HPSE2: variants seen among roughly 807,000 people sequenced by gnomAD.
HPSE2 encodes heparanase 2 (inactive).
In HPSE2, 38 loss-of-function variants were observed where a neutral mutation model predicts 60.5. The ratio of observed to expected loss-of-function variants is 0.63; its 90% confidence interval spans 0.48 to 0.82. The LOEUF is 0.82. HPSE2 is among the 40% of genes least tolerant of loss of function. The probability of loss-of-function intolerance (pLI) is 0.00; values close to 1 mark genes in which losing one functional copy is unlikely to be tolerated. For synonymous variants in HPSE2, 295 were observed against 293.2 expected, an observed-to-expected ratio of 1.01 and a Z score of -0.06; for missense variants, 713 against 740.4, an observed-to-expected ratio of 0.96 and a Z score of 0.43.
At chr10:98,820,700 A>G (rs1273894171) in intron 3 of HPSE2, among the ~76,000 whole-genome samples, 2 of 152,180 alleles carry the variant, frequency 1.3e-5, no homozygotes, top group Non-Finnish European at 2.9e-5. Context: ...ACCCCAAAAC[A>G]TTGAGTTCAA....
chr10:99,036,023 C>A (rs149719953), intron 3 of HPSE2, among the ~76,000 whole-genome samples: 1 of 151,980 alleles, frequency 6.6e-6, no homozygotes, highest in Non-Finnish European at 1.5e-5. Flanking sequence ...CCAGACAGGG[C>A]AACAAAGCAA....
intron 3 of HPSE2, among the ~76,000 whole-genome samples, chr10:99,086,414 G>A (rs563051599): frequency 7.0e-6 from 1 of 142,970 alleles, no homozygotes; most frequent in South Asian, 2.3e-4. Flanking sequence ...GTGCAGTGGC[G>A]GGATCTCGGC....
intron 9 of HPSE2, among the ~76,000 whole-genome samples, chr10:98,565,338 C>T (rs371911343): frequency 8.6e-5 from 13 of 150,394 alleles, no homozygotes; most frequent in Non-Finnish European, 1.5e-4. Context: ...CCCCCACCCC[C>T]TGACAGGGCC....
chr10:98,968,637 T>C (rs1426886535), intron 3 of HPSE2, among the ~76,000 whole-genome samples: 3 of 152,226 alleles, frequency 2.0e-5, no homozygotes, highest in South Asian at 2.1e-4. Flanking sequence ...AAATGTGGTA[T>C]ATATACACCA....
At chr10:98,755,592 G>A (rs376502700) in intron 3 of HPSE2, among the ~76,000 whole-genome samples, 5 of 152,136 alleles carry the variant, frequency 3.3e-5, no homozygotes, top group East Asian at 3.9e-4. Flanking sequence ...CATGGCACAT[G>A]TTCTATAATA....
intron 3 of HPSE2, among the ~76,000 whole-genome samples, chr10:98,986,342 T>G (rs1956349333): frequency 6.6e-6 from 1 of 151,642 alleles, no homozygotes; most frequent in Admixed American, 6.6e-5. Flanking sequence ...AGAAACTCAC[T>G]CAAAACCACT....
At chr10:98,513,071 T>C (rs1412250112) in intron 9 of HPSE2, among the ~76,000 whole-genome samples, 1 of 152,204 alleles carries the variant, frequency 6.6e-6, no homozygotes, top group Non-Finnish European at 1.5e-5. Flanking sequence ...ATGATTTTCA[T>C]AATGATGGGA....
At position 98,490,286 on chromosome 10, in the gene HPSE2, C is replaced by T; in HGVS notation, c.1321-90G>A. The T allele has an allele frequency of 4.2e-6, 5 of 1,197,756 alleles. No homozygotes were observed. The Middle Eastern group carries it at 7.5e-4, about 179-fold the overall frequency. 74.2% of individuals were successfully genotyped at this position (1,197,756 alleles called of 1,614,324 possible). A position where few individuals can be genotyped will look rare whatever the true frequency, so the allele number is the denominator to read the frequency against. ...TGACACACACACACACACACACACACACACACGGGCCAGAAATCACTTCCT... is the reference window on the plus strand; with the variant it reads ...TGACACACACACACACACACACACATACACACGGGCCAGAAATCACTTCCT... On this transcript the variant is annotated intron_variant, in intron 9 of 11. Coordinates refer to ENST00000370552, the MANE Select transcript of HPSE2 (RefSeq NM_021828.5).
chr10:98,542,163 G>A (rs572577996), intron 9 of HPSE2, among the ~76,000 whole-genome samples: 3 of 152,084 alleles, frequency 2.0e-5, no homozygotes, highest in African/African-American at 7.2e-5. Context: ...CAGCATTCGC[G>A]GTTCACGAAA....
the HPSE2 span, among the ~76,000 whole-genome samples, chr10:99,268,945 CA>C: frequency 6.6e-6 from 1 of 151,932 alleles, no homozygotes; most frequent in Non-Finnish European, 1.5e-5. Context: ...CACCTGAGGT[CA>C]GGAGTTCGAG....
At chr10:99,299,090 C>T in the HPSE2 span, among the ~76,000 whole-genome samples, 5 of 152,060 alleles carry the variant, frequency 3.3e-5, no homozygotes, top group African/African-American at 9.7e-5. Flanking sequence ...TAGATGAACC[C>T]CTCCTAGTTG....
intron 6 of HPSE2, among the ~76,000 whole-genome samples, chr10:98,660,834 A>T (rs1204155150): frequency 6.6e-6 from 1 of 152,196 alleles, no homozygotes; most frequent in Non-Finnish European, 1.5e-5. Flanking sequence ...CCTGTCTTTC[A>T]TCTATATGGA....
intron 3 of HPSE2, among the ~76,000 whole-genome samples, chr10:98,937,040 T>C (rs1954819906): frequency 7.1e-6 from 1 of 141,560 alleles, no homozygotes; most frequent in Non-Finnish European, 1.5e-5. Context: ...TTTTAAGTTT[T>C]TCAACCTCCT....
At chr10:99,199,322 C>T (rs866785158) in intron 2 of HPSE2, among the ~76,000 whole-genome samples, 1 of 152,092 alleles carries the variant, frequency 6.6e-6, no homozygotes, top group Non-Finnish European at 1.5e-5. Flanking sequence ...TCCACATCCT[C>T]ACCAACAGCT....
intron 9 of HPSE2, among the ~76,000 whole-genome samples, chr10:98,523,130 T>C (rs574478175): frequency 1.1e-3 from 169 of 148,316 alleles, no homozygotes; most frequent in African/African-American, 4.0e-3. Flanking sequence ...TGTTTGTTTG[T>C]TTCCAGCTAT....
At chr10:99,093,038 G>A (rs899020562) in intron 3 of HPSE2, among the ~76,000 whole-genome samples, 8 of 152,104 alleles carry the variant, frequency 5.3e-5, no homozygotes, top group Non-Finnish European at 8.8e-5. Flanking sequence ...GACCAGCCTG[G>A]CCAACATAGT....
chr10:98,935,780 G>A (rs1241895064), intron 3 of HPSE2, among the ~76,000 whole-genome samples: 1 of 145,100 alleles, frequency 6.9e-6, no homozygotes, highest in Non-Finnish European at 1.5e-5. Flanking sequence ...ACCCTCCTGA[G>A]GAGGCAGTCT....
intron 3 of HPSE2, among the ~76,000 whole-genome samples, chr10:99,021,758 C>G (rs910348819): frequency 6.6e-6 from 1 of 150,716 alleles, no homozygotes; most frequent in African/African-American, 2.4e-5. Context: ...ACAGCAGCTG[C>G]AGACATCACC....
At chr10:99,240,242 C>G (rs1248544477), upstream of HPSE2, among the ~76,000 whole-genome samples, 2 of 151,978 alleles carry the variant, frequency 1.3e-5, no homozygotes, top group Non-Finnish European at 2.9e-5. Context: ...ATATTATTAT[C>G]ATTTCATCTC....
Sources: allele counts gnomAD v4.1 joint callset (sites outside exome capture counted in the v4.1 genomes callset), GRCh38; gene constraint gnomAD v4.1.1; transcripts MANE v1.5; gene names NCBI Gene and HGNC (gene_info 2026-07-23, HGNC 2026-07-21).